The following SDF2 variants were observed in gnomAD, a reference collection of about 807,000 sequenced individuals.
SDF2 encodes stromal cell derived factor 2.
Under a neutral mutation model 20.5 loss-of-function variants are expected in SDF2, and 12 were observed. The observed-to-expected ratio is 0.58, with a 90% CI of 0.37 to 0.95. The LOEUF is 0.95. Ranked by LOEUF, SDF2 falls within the 40% of genes least tolerant of loss-of-function variation. SDF2 has a pLI of 0.01. For missense variants in SDF2, 238 were observed against 263.1 expected (o/e 0.90, Z 0.66); for synonymous variants, 100 against 101.0 (o/e 0.99, Z 0.06).
At chr17:28,658,034 T>C (rs1368830172) in intron 1 of SDF2, among the ~76,000 whole-genome samples, 1 of 152,154 alleles carries the variant, frequency 6.6e-6, no homozygotes, top group South Asian at 2.1e-4. Context: ...CTTTATTATA[T>C]CTTTTTTCAG....
At chr17:28,656,587 C>CA (rs1458749206) in intron 1 of SDF2, among the ~76,000 whole-genome samples, 2 of 151,052 alleles carry the variant, frequency 1.3e-5, no homozygotes, top group African/African-American at 2.4e-5. Flanking sequence ...GACTCCGTCT[C>CA]AAAAAAAATA....
chr17:28,649,226 C>G lies in SDF2; in HGVS notation c.399G>C (p.Trp133Cys). Residue 133 changes from tryptophan to cysteine, a missense_variant, in exon 3 of 3, where the codon TGG (tryptophan) becomes TGC (cysteine). By Grantham distance (215) the Trp-to-Cys change is radical. Coordinates refer to ENST00000247020, the MANE Select transcript of SDF2 (RefSeq NM_006923.4). Reference sequence around the variant, plus strand: ...AGTAGGGTCCATTACAGAGCACTGTCCAGTCATCCAGATAATCACCTTCAC... The same window carrying G: ...AGTAGGGTCCATTACAGAGCACTGTGCAGTCATCCAGATAATCACCTTCAC... ...EEGEGDYLDD[W>C]TVLCNGPYWV... 2.5e-6 allele frequency: 4 copies of G among 1,614,196 alleles called. No individual in the cohort carries two copies. Among genetic ancestry groups the G allele is most frequent in the Non-Finnish European group, 3.4e-6 (4 of 1,180,026 alleles).
rs113345858 is a variant in SDF2 at position 28,654,879 on chromosome 17, G to C, written c.348+408C>G. Reference sequence around the variant, plus strand: ...GCTGAGGTGGGAGAACCGCTTGAACGCAGGAGGCAGAGGTTGCAATGAGCT... The same window carrying C: ...GCTGAGGTGGGAGAACCGCTTGAACCCAGGAGGCAGAGGTTGCAATGAGCT... On this transcript the variant is annotated intron_variant, in intron 2 of 2. Transcript: ENST00000247020. Among the ~76,000 whole-genome samples the C allele has an allele frequency of 2.2e-3, 333 of 151,972 alleles. 3 individuals are homozygous for C. The highest frequency in any genetic ancestry group is 7.1e-3 in the African/African-American group (296 of 41,448).
chr17:28,653,551 C>T (rs888286583), intron 2 of SDF2, among the ~76,000 whole-genome samples: 2 of 152,232 alleles, frequency 1.3e-5, no homozygotes, highest in Non-Finnish European at 2.9e-5. Flanking sequence ...GGAGGCCTCA[C>T]GCCTGTAATC....
chr17:28,660,275 C>T (rs1310021525), intron 1 of SDF2, among the ~76,000 whole-genome samples: 1 of 152,194 alleles, frequency 6.6e-6, no homozygotes, highest in East Asian at 1.9e-4. Flanking sequence ...GAGAGGGCTA[C>T]CTGTAGTTCT....
intron 2 of SDF2, among the ~76,000 whole-genome samples, chr17:28,653,705 A>C (rs1213334864): frequency 6.6e-6 from 1 of 152,054 alleles, no homozygotes; most frequent in Non-Finnish European, 1.5e-5. Flanking sequence ...CCAGCTACTC[A>C]GGAGGCTGTG....
intron 1 of SDF2, 133 bp from the exon 2 acceptor site, chr17:28,655,616 G>A: frequency 1.3e-6 from 1 of 752,384 alleles, no homozygotes; most frequent in East Asian, 2.5e-5. Flanking sequence ...CACGCTGCTG[G>A]AGGTGTAATG....
chr17:28,657,630 T>G (rs1051218860), intron 1 of SDF2: 1 of 151,492 alleles, frequency 6.6e-6, no homozygotes, highest in African/African-American at 2.4e-5. Flanking sequence ...ATTCCTGGGC[T>G]CAAGCAATCC....
chr17:28,659,856 T>A (rs983396650), intron 1 of SDF2, among the ~76,000 whole-genome samples: 1 of 152,228 alleles, frequency 6.6e-6, no homozygotes. Context: ...GGGCAGAGGC[T>A]GTACTCTTAG....
chr17:28,661,417 G>A (rs1198864381), intron 1 of SDF2, among the ~76,000 whole-genome samples: 2 of 152,226 alleles, frequency 1.3e-5, no homozygotes, highest in Non-Finnish European at 2.9e-5. Flanking sequence ...TTGAATAAAC[G>A]ATTTAATTTC....
upstream of SDF2, chr17:28,662,137 G>C (rs960166564): frequency 5.1e-6 from 2 of 388,608 alleles, no homozygotes; most frequent in South Asian, 8.0e-5. Context: ...AAGCTTCCGA[G>C]AGCGGGAGAG....
At chr17:28,659,528 G>A (rs1320318154) in intron 1 of SDF2, among the ~76,000 whole-genome samples, 2 of 141,976 alleles carry the variant, frequency 1.4e-5, no homozygotes, top group Admixed American at 1.5e-4. Context: ...TTCCCAGATG[G>A]GGTGGCAGCC....
Position 28,649,312 on chromosome 17 carries a change from T to C in SDF2, c.349-36A>G, listed in dbSNP as rs2071892386. 3 of 1,599,054 alleles carry C rather than the reference T, an allele frequency of 1.9e-6. 1 individual carries two copies. In the South Asian group the frequency reaches 3.3e-5, roughly 18 times the overall value. The stretch of plus-strand genomic sequence containing the variant: ...CAGAAGGTAGTAACATCAGCATGGC[T>C]GACAAGGGCTTGAAAAGGGGTGGGA... On this transcript the variant is annotated intron_variant, in intron 2 of 2. Coordinates refer to ENST00000247020, the MANE Select transcript of SDF2 (RefSeq NM_006923.4).
intron 2 of SDF2, among the ~76,000 whole-genome samples, chr17:28,653,700 T>TA (rs1463798928): frequency 6.6e-6 from 1 of 152,070 alleles, no homozygotes; most frequent in Non-Finnish European, 1.5e-5. Flanking sequence ...TAATCCCAGC[T>TA]ACTCAGGAGG....
chr17:28,655,877 C>G (rs2071957782), intron 1 of SDF2: 1 of 191,458 alleles, frequency 5.2e-6, no homozygotes, highest in Non-Finnish European at 1.1e-5. Context: ...AACTGATAGA[C>G]AAGGAAAACT....
At chr17:28,651,623 A>G (rs1335024198) in intron 2 of SDF2, 1 of 152,264 alleles carries the variant, frequency 6.6e-6, no homozygotes, top group African/African-American at 2.4e-5. Context: ...AGCAAAACAT[A>G]GCAAGTTTTC....
At chr17:28,662,155 G>C (rs1311939639), upstream of SDF2, 2 of 343,694 alleles carry the variant, frequency 5.8e-6, no homozygotes, top group Admixed American at 4.4e-5. Flanking sequence ...GAGAGAACAA[G>C]AAATGGCCCG....
At chr17:28,661,103 A>AAAG in intron 1 of SDF2, 2 of 397,672 alleles carry the variant, frequency 5.0e-6, no homozygotes, top group Non-Finnish European at 9.7e-6. Context: ...AAAAAAAAAA[A>AAAG]GCAGTTTTCT....
At chr17:28,652,443 T>G (rs2071922884) in intron 2 of SDF2, among the ~76,000 whole-genome samples, 1 of 152,152 alleles carries the variant, frequency 6.6e-6, no homozygotes, top group Non-Finnish European at 1.5e-5. Context: ...CCCAAGTAGC[T>G]GGGATCACAG....
Sources: allele counts gnomAD v4.1 joint callset (sites outside exome capture counted in the v4.1 genomes callset), GRCh38; gene constraint gnomAD v4.1.1; transcripts MANE v1.5; gene names NCBI Gene and HGNC (gene_info 2026-07-23, HGNC 2026-07-21).